KIF4A: variants seen among roughly 807,000 people sequenced by gnomAD.
KIF4A encodes chromosome-associated kinesin KIF4A.
KIF4A carries 7 observed loss-of-function variants against 105.9 expected under a neutral mutation model. That is an observed-to-expected ratio of 0.07 (90% CI 0.04 to 0.12). The LOEUF (loss-of-function observed/expected upper bound fraction) is 0.12, where lower values mean the gene tolerates loss of function less well. Among genes scored for constraint, KIF4A ranks in the 10% least tolerant of loss-of-function variants. The pLI is 1.00. For synonymous variants in KIF4A, 281 were observed against 331.3 expected, an observed-to-expected ratio of 0.85 and a Z score of 1.65; for missense variants, 558 against 929.2, an observed-to-expected ratio of 0.60 and a Z score of 5.19.
intron 22 of KIF4A, 146 bp from the exon 23 acceptor site, chrX:70,402,420 C>A: frequency 1.4e-6 from 1 of 705,877 alleles, no homozygotes; most frequent in Admixed American, 4.0e-5. Context: ...TATGTAAAAT[C>A]CTAACCAGAT....
chrX:70,352,037 G>T (rs949009990), intron 13 of KIF4A, among the ~76,000 whole-genome samples: 1 of 112,165 alleles, frequency 8.9e-6, no homozygotes, highest in Non-Finnish European at 1.9e-5. Context: ...GGGATTACAG[G>T]CATAAGCCAC....
intron 15 of KIF4A, among the ~76,000 whole-genome samples, chrX:70,373,753 TATATATATATACGTATATATACAC>T: frequency 1.5e-5 from 1 of 66,316 alleles, no homozygotes; most frequent in Non-Finnish European, 2.7e-5. Flanking sequence ...TATACGTGTA[TATATATATATACGTATATATACAC>T]ATATATATAC....
chrX:70,322,825 T>G (rs961894214), intron 7 of KIF4A, among the ~76,000 whole-genome samples: 14 of 108,801 alleles, frequency 1.3e-4, no homozygotes, highest in African/African-American at 4.7e-4. Context: ...ACTACCACTA[T>G]CTTATGTCAG....
At chrX:70,308,164 G>A (rs145495213) in intron 7 of KIF4A, among the ~76,000 whole-genome samples, 1,947 of 111,777 alleles carry the variant, frequency 0.017, 24 homozygotes, top group Non-Finnish European at 0.028. Flanking sequence ...ACTCCCTCCC[G>A]TGGATACCTC....
intron 20 of KIF4A, among the ~76,000 whole-genome samples, chrX:70,394,288 C>T (rs758210210): frequency 6.4e-5 from 7 of 109,304 alleles, no homozygotes; most frequent in Non-Finnish European, 1.1e-4. Context: ...ACTGTAACCT[C>T]GGATACCTGG....
Position 70,373,553 on chromosome X carries a change from TATAC to T in KIF4A, c.1675-597_1675-594del, listed in dbSNP as rs1569245466. On this transcript the variant is annotated intron_variant, in intron 15 of 30. Coordinates refer to ENST00000374403, the MANE Select transcript of KIF4A (RefSeq NM_012310.5). The stretch of plus-strand genomic sequence containing the variant: ...ATATATATATATATATATATATATA[TATAC>T]GTATATATATACATATATACGTGTA... Among the ~76,000 whole-genome samples, 61 of 42,496 alleles carry T rather than the reference TATAC, an allele frequency of 1.4e-3. 16 individuals are homozygous for T. The highest frequency in any genetic ancestry group is 0.02 in the Middle Eastern group (2 of 98). 36.9% of individuals were successfully genotyped at this position (42,496 alleles called of 115,157 possible). A position where few individuals can be genotyped will look rare whatever the true frequency, so the allele number is the denominator to read the frequency against.
intron 20 of KIF4A, among the ~76,000 whole-genome samples, chrX:70,391,354 C>T (rs2086236810): frequency 9.0e-6 from 1 of 111,566 alleles, no homozygotes; most frequent in African/African-American, 3.3e-5. Flanking sequence ...TTCTTCCTTT[C>T]TAATCTGTAT....
chrX:70,402,543 GCT>G (rs2086286079), intron 22 of KIF4A, 21 bp from the exon 23 acceptor site: 1 of 1,207,961 alleles, frequency 8.3e-7, no homozygotes, highest in Admixed American at 2.2e-5. Context: ...TTGCAATAAG[GCT>G]TACTGTTTCT....
In KIF4A at chrX:70,341,887, G is replaced by A. The variant is rs752953829; in HGVS notation, c.1222G>A (p.Glu408Lys). 5.0e-6 allele frequency: 6 copies of A among 1,209,780 alleles called. No individual in the cohort carries two copies. In the South Asian group the frequency reaches 7.1e-5, roughly 14 times the overall value. The change falls in exon 11 of 31, where the codon GAG (glutamate) becomes AAG (lysine). Residue 408 changes from glutamate (E) to lysine (K), a missense_variant. Glu to Lys is a moderately conservative substitution (Grantham distance 56, BLOSUM62 1). Transcript: ENST00000374403. ...TGAAAAATTAAGTCGTGGTCTGAGC[G>A]AGGCAGCTGGTCAGACAGCCCAGAT... Reference protein sequence around the residue: ...ENEKLSRGLSEAAGQTAQMLE... With the variant: ...ENEKLSRGLSKAAGQTAQMLE...
intron 15 of KIF4A, among the ~76,000 whole-genome samples, chrX:70,359,437 TTC>T (rs777564349): frequency 2.1e-4 from 22 of 104,449 alleles, no homozygotes; most frequent in East Asian, 6.2e-4. Flanking sequence ...CTTTCTTTCT[TTC>T]TCTCTCTCTC....
At chrX:70,321,761 A>AT (rs1207504190) in intron 7 of KIF4A, among the ~76,000 whole-genome samples, 1 of 110,384 alleles carries the variant, frequency 9.1e-6, no homozygotes, top group South Asian at 3.9e-4. Context: ...TTCATTCTAC[A>AT]TTTTTGTCAC....
intron 7 of KIF4A, among the ~76,000 whole-genome samples, chrX:70,307,636 T>C (rs2085832628): frequency 8.9e-6 from 1 of 112,171 alleles, no homozygotes; most frequent in Non-Finnish European, 1.9e-5. Flanking sequence ...TTATCATGAA[T>C]GGGTATTTGT....
At position 70,361,486 on chromosome X, in the gene KIF4A, C is replaced by T. The variant is rs112347977; in HGVS notation, c.1674+7679C>T. ...AAGTCCCTGGACTGGATATTGTCCCCGGGTTACAGAAGGGGTTGCACATCA... is the reference window on the plus strand; with the variant it reads ...AAGTCCCTGGACTGGATATTGTCCCTGGGTTACAGAAGGGGTTGCACATCA... On this transcript the variant is annotated intron_variant, in intron 15 of 30. Transcript: ENST00000374403. The T allele has an allele frequency of 3.8e-3, 582 of 151,700 alleles. 6 individuals carry two copies. Among genetic ancestry groups the T allele is most frequent in the African/African-American group, 0.017 (558 of 32,455 alleles). 12.5% of individuals were successfully genotyped at this position (151,700 alleles called of 1,213,427 possible). A position where few individuals can be genotyped will look rare whatever the true frequency, so the allele number is the denominator to read the frequency against.
intron 18 of KIF4A, among the ~76,000 whole-genome samples, chrX:70,384,700 G>A (rs1260879329): frequency 3.6e-5 from 4 of 111,334 alleles, no homozygotes; most frequent in Non-Finnish European, 7.5e-5. Context: ...CTACAGCCTG[G>A]GCGACAGAGG....
chrX:70,291,418 C>T (rs931206845), intron 3 of KIF4A, among the ~76,000 whole-genome samples: 1 of 110,307 alleles, frequency 9.1e-6, no homozygotes, highest in Non-Finnish European at 1.9e-5. Flanking sequence ...AGTGGGAAAA[C>T]TTTGAGATGG....
intron 14 of KIF4A, among the ~76,000 whole-genome samples, chrX:70,352,858 T>G (rs956093398): frequency 2.7e-5 from 3 of 111,852 alleles, no homozygotes; most frequent in Non-Finnish European, 3.8e-5. Flanking sequence ...TAACTGGTAA[T>G]GGGGGGCAGG....
At chrX:70,358,191 A>G (rs765606960) in intron 15 of KIF4A, among the ~76,000 whole-genome samples, 1 of 111,565 alleles carries the variant, frequency 9.0e-6, no homozygotes, top group Non-Finnish European at 1.9e-5. Context: ...GATTACAGGT[A>G]TGTACCACCA....
intron 7 of KIF4A, among the ~76,000 whole-genome samples, 198 bp from the exon 8 acceptor site, chrX:70,329,205 AAT>A (rs748707916): frequency 8.9e-6 from 1 of 112,256 alleles, no homozygotes; most frequent in African/African-American, 3.2e-5. Context: ...CAGTGGACTC[AAT>A]CATACATATC....
chrX:70,373,524 G>GA, intron 15 of KIF4A, among the ~76,000 whole-genome samples: 336 of 5,891 alleles, frequency 0.057, 103 homozygotes, highest in Non-Finnish European at 0.065. Flanking sequence ...GTGTGTGTAT[G>GA]TATATATATA....
Sources: gnomAD v4.1 joint callset for allele counts (sites outside exome capture counted in the v4.1 genomes callset) on GRCh38, gnomAD v4.1.1 for gene constraint, MANE v1.5 for transcripts, NCBI Gene and HGNC (gene_info 2026-07-23, HGNC 2026-07-21) for gene names.